The following SPEF2 variants were observed in gnomAD, a reference collection of about 807,000 sequenced individuals.
SPEF2 encodes the protein sperm flagella and cilia-associated protein 2.
In SPEF2, 187 loss-of-function variants were observed where a neutral mutation model predicts 224.6. That is an observed-to-expected ratio of 0.83 (90% confidence interval 0.74 to 0.94). The LOEUF is 0.94. Ranked by LOEUF, SPEF2 falls within the 40% of genes least tolerant of loss-of-function variation. The pLI is 0.00. For synonymous variants in SPEF2, 715 were observed against 707.3 expected (o/e 1.01, Z -0.17); for missense variants, 2,170 against 2,135.6 (o/e 1.02, Z -0.32).
At chr5:35,750,174 C>G (rs547185427) in intron 23 of SPEF2, among the ~76,000 whole-genome samples, 1 of 152,264 alleles carries the variant, frequency 6.6e-6, no homozygotes, top group African/African-American at 2.4e-5. Flanking sequence ...AAACTGGGTC[C>G]TCATCTCTCA....
At chr5:35,624,962 G>C (rs949766676) in intron 1 of SPEF2, among the ~76,000 whole-genome samples, 1 of 152,098 alleles carries the variant, frequency 6.6e-6, no homozygotes, top group African/African-American at 2.4e-5. Flanking sequence ...ACGTTTTAGT[G>C]TATCAGTCCT....
chr5:35,717,472 A>T (rs923680530), intron 20 of SPEF2, among the ~76,000 whole-genome samples: 1 of 152,218 alleles, frequency 6.6e-6, no homozygotes, highest in African/African-American at 2.4e-5. Flanking sequence ...ATTTAGTATC[A>T]ATGTTATAAG....
chr5:35,737,158 G>T (rs114563004), intron 21 of SPEF2, among the ~76,000 whole-genome samples: 1 of 151,878 alleles, frequency 6.6e-6, no homozygotes, highest in African/African-American at 2.4e-5. Context: ...TTAAACTTAC[G>T]TATATTAAAT....
chr5:35,754,835 A>G (rs1750205064), intron 24 of SPEF2, among the ~76,000 whole-genome samples: 1 of 152,244 alleles, frequency 6.6e-6, no homozygotes, highest in South Asian at 2.1e-4. Context: ...CTGATCCTTA[A>G]TTGATTAACT....
intron 30 of SPEF2, among the ~76,000 whole-genome samples, chr5:35,780,801 T>C (rs775657828): frequency 6.6e-6 from 1 of 152,128 alleles, no homozygotes; most frequent in Non-Finnish European, 1.5e-5. Context: ...ACTCAATTAA[T>C]AGGTAAAAAC....
At chr5:35,638,693 G>T (rs867400632) in intron 2 of SPEF2, among the ~76,000 whole-genome samples, 14 of 151,988 alleles carry the variant, frequency 9.2e-5, no homozygotes, top group Admixed American at 6.6e-5. Flanking sequence ...TTATCAGAGT[G>T]CCTGCCACAT....
In SPEF2 at chr5:35,633,541, C is replaced by A. The variant is rs73078271; in HGVS notation, c.161+4979C>A. On this transcript the variant is annotated intron_variant, in intron 2 of 36. Coordinates refer to ENST00000356031, the MANE Select transcript of SPEF2 (RefSeq NM_024867.4). ...TGTCTTTGAATCTAAAGTGTATTTT[C>A]TTGTAGAAAGCATATGATTGGATTG... Among the ~76,000 whole-genome samples, 1,075 of 151,816 alleles carry A rather than the reference C, an allele frequency of 7.1e-3. 14 individuals are homozygous for A. The highest frequency in any genetic ancestry group is 0.025 in the African/African-American group (1,040 of 41,430).
chr5:35,713,034 G>A lies in SPEF2; in HGVS notation c.2914+148G>A, dbSNP rs13153876. The A allele has an allele frequency of 0.77, 541,363 of 702,720 alleles. 209,957 individuals are homozygous for A. The highest frequency in any genetic ancestry group is 0.84 in the Middle Eastern group (2,203 of 2,614). The allele number at this position is 702,720 out of a possible 1,614,324, so 43.5% of individuals were successfully genotyped here. On this transcript the variant is annotated intron_variant, in intron 20 of 36. Coordinates refer to ENST00000356031, the MANE Select transcript of SPEF2 (RefSeq NM_024867.4). ...TAAGCCCTTGCCAAAGAATATAGTC[G>A]CAAACTTTCTGCATCCTGGCGCTTA...
At chr5:35,749,672 A>G (rs1749100526) in intron 23 of SPEF2, among the ~76,000 whole-genome samples, 1 of 152,132 alleles carries the variant, frequency 6.6e-6, no homozygotes, top group Non-Finnish European at 1.5e-5. Flanking sequence ...CTACAAGGAA[A>G]ACTACAAAAC....
At chr5:35,619,633 C>T (rs78996920) in intron 1 of SPEF2, among the ~76,000 whole-genome samples, 15,400 of 152,042 alleles carry the variant, frequency 0.1, 933 homozygotes, top group East Asian at 0.18. Context: ...GCCGAGATCG[C>T]GCCACTGCAC....
intron 21 of SPEF2, among the ~76,000 whole-genome samples, chr5:35,735,836 G>A (rs1746500248): frequency 6.6e-6 from 1 of 152,212 alleles, no homozygotes; most frequent in Non-Finnish European, 1.5e-5. Flanking sequence ...CCTTCTAAAT[G>A]TAATCGGAGA....
intron 30 of SPEF2, among the ~76,000 whole-genome samples, chr5:35,787,555 A>T (rs73747983): frequency 0.047 from 7,137 of 152,046 alleles, 475 homozygotes; most frequent in African/African-American, 0.14. Flanking sequence ...TACTGGTGTA[A>T]CTCCGCTCCA....
Position 35,654,616 on chromosome 5 carries a change from A to G in SPEF2, c.868A>G (p.Ile290Val). The G allele has an allele frequency of 1.9e-6, 3 of 1,613,978 alleles. No homozygotes were observed. The highest frequency in any genetic ancestry group is 2.2e-5 in the South Asian group (2 of 91,040). ...LLNTYSDDEY[I>V]KKIQKRLEED... Reference sequence around the variant, plus strand: ...AAATACTTACTCAGATGACGAGTACATTAAAAAAATCCAGAAGCGCCTTGA... The same window carrying G: ...AAATACTTACTCAGATGACGAGTACGTTAAAAAAATCCAGAAGCGCCTTGA... Residue 290 changes from isoleucine to valine, a missense_variant, in exon 7 of 37, where the codon ATT becomes GTT. Physicochemically the swap from Ile to Val is conservative, Grantham distance 29 (BLOSUM62 3). Coordinates refer to ENST00000356031, the MANE Select transcript of SPEF2 (RefSeq NM_024867.4).
In SPEF2 at chr5:35,814,552, GA is replaced by G; in HGVS notation, c.*1del. 1 of 1,583,190 alleles carries G rather than the reference GA, an allele frequency of 6.3e-7. No homozygotes were observed. On this transcript the variant is annotated frameshift_variant and stop_lost, in exon 37 of 37. Transcript: ENST00000356031. LOFTEE classifies it high-confidence loss of function. ...TCAAGACATACAGAGGAAAAGAAAT[GA>G]AGACAAAAGAGTGTGATTTTTTTAA... ...SPSRHTEEKK[*>X] is the part of the protein sequence containing the mutation.
chr5:35,618,052 G>A lies in SPEF2; in HGVS notation c.55G>A (p.Val19Met). 1 of 1,582,886 alleles carries A rather than the reference G, an allele frequency of 6.3e-7. No individual in the cohort carries two copies. Among genetic ancestry groups the A allele is most frequent in the Admixed American group, 1.7e-5 (1 of 57,484 alleles). The part of the protein sequence containing the change: ...LNKELKVSRT[V>M]SPKSFAKAFS... ...CAAGGAGTTGAAGGTGTCCCGGACCGTGAGTGAGTGACCACGGCCAGGGGC... is the reference window on the plus strand; with the variant it reads ...CAAGGAGTTGAAGGTGTCCCGGACCATGAGTGAGTGACCACGGCCAGGGGC... The change falls in exon 1 of 37, where the codon GTG becomes ATG. Residue 19 changes from valine to methionine, a missense_variant. Val to Met is a conservative substitution (Grantham distance 21, BLOSUM62 1). Transcript: ENST00000356031.
chr5:35,803,223 C>T (rs987860027), intron 34 of SPEF2, among the ~76,000 whole-genome samples: 2 of 152,094 alleles, frequency 1.3e-5, no homozygotes, highest in Non-Finnish European at 2.9e-5. Context: ...GTCCAGGAGG[C>T]TGAGATGAGC....
intron 30 of SPEF2, among the ~76,000 whole-genome samples, chr5:35,780,098 T>A (rs1754120612): frequency 6.6e-6 from 1 of 152,208 alleles, no homozygotes; most frequent in African/African-American, 2.4e-5. Flanking sequence ...CATATATCAT[T>A]CAGAACTCTG....
intron 36 of SPEF2, among the ~76,000 whole-genome samples, chr5:35,812,581 CA>C (rs1185370888): frequency 2.0e-5 from 3 of 152,066 alleles, no homozygotes; most frequent in Admixed American, 1.3e-4. Flanking sequence ...AATGAATAAA[CA>C]ATTTTCTCTA....
Position 35,641,525 on chromosome 5 carries a change from A to C in SPEF2, c.256A>C (p.Ile86Leu), listed in dbSNP as rs746749936. 1.2e-6 allele frequency: 2 copies of C among 1,613,892 alleles called. No individual in the cohort carries two copies. The highest frequency in any genetic ancestry group is 1.1e-5 in the South Asian group (1 of 91,078). Reference sequence around the variant, plus strand: ...TGATCAGAATGTGGCCCATGGCATCATCACAGAAAAGCCTGGGGTGGCAAC... The same window carrying C: ...TGATCAGAATGTGGCCCATGGCATCCTCACAGAAAAGCCTGGGGTGGCAAC... ...QFDQNVAHGI[I>L]TEKPGVATKL... The change falls in exon 3 of 37, where the codon ATC (isoleucine) becomes CTC (leucine). Residue 86 changes from isoleucine (I) to leucine (L), a missense_variant. Physicochemically the swap from Ile to Leu is conservative, Grantham distance 5. Transcript: ENST00000356031.
Sources: gnomAD v4.1 joint callset for allele counts (sites outside exome capture counted in the v4.1 genomes callset) on GRCh38, gnomAD v4.1.1 for gene constraint, MANE v1.5 for transcripts, NCBI Gene and HGNC (gene_info 2026-07-23, HGNC 2026-07-21) for gene names.